SENP7: variants seen among roughly 807,000 people sequenced by gnomAD.
SENP7 encodes SUMO specific peptidase 7.
SENP7 carries 64 observed loss-of-function variants against 141.2 expected under a neutral mutation model. The observed-to-expected ratio is 0.45, with a 90% confidence interval of 0.37 to 0.56. SENP7 has a LOEUF of 0.56. SENP7 is among the 20% of genes least tolerant of loss of function. SENP7 has a pLI of 0.00. For synonymous variants in SENP7, 382 were observed against 426.4 expected, an observed-to-expected ratio of 0.90 and a Z score of 1.28; for missense variants, 1,025 against 1,212.2, an observed-to-expected ratio of 0.85 and a Z score of 2.29.
rs544165974 is a variant in SENP7 at position 101,359,562 on chromosome 3, T to C, written c.1623+2153A>G. 3.3e-5 allele frequency among the ~76,000 whole-genome samples: 5 copies of C among 151,968 alleles called. No homozygotes were observed. In the South Asian group the frequency reaches 1.0e-3, roughly 32 times the overall value. ...CCACTTTACAATGCTTACTGAATAT[T>C]TGCAGTTCCCTACTGTTTGTAATAG... On this transcript the variant is annotated intron_variant, in intron 11 of 23. Transcript: ENST00000394095.
intron 4 of SENP7, among the ~76,000 whole-genome samples, chr3:101,424,985 C>T (rs556847912): frequency 1.3e-5 from 2 of 152,170 alleles, no homozygotes; most frequent in African/African-American, 4.8e-5. Context: ...AAGGGAAACC[C>T]CTTTCACTTG....
chr3:101,511,395 T>G (rs561416354), intron 1 of SENP7, among the ~76,000 whole-genome samples: 2 of 152,272 alleles, frequency 1.3e-5, no homozygotes, highest in Admixed American at 6.5e-5. Context: ...TAAAAAAGGT[T>G]GTGCATCTCA....
At position 101,343,921 on chromosome 3, in the gene SENP7, T is replaced by C; in HGVS notation, c.1871A>G (p.His624Arg). The C allele has an allele frequency of 6.2e-7, 1 of 1,603,992 alleles. No homozygotes were observed. Among genetic ancestry groups the C allele is most frequent in the Non-Finnish European group, 8.5e-7 (1 of 1,174,824 alleles). Residue 624 changes from histidine (H) to arginine (R), a missense_variant, in exon 14 of 24, where the codon CAC (histidine) becomes CGC (arginine). Physicochemically the swap from His to Arg is conservative, Grantham distance 29. Transcript: ENST00000394095. The stretch of plus-strand genomic sequence containing the variant: ...TTCTTCTCTTTGTGAAACAGGATTG[T>C]GTAGTTCAAGGAAAATGAATTCACT... ...KSSEFIFLEL[H>R]NPVSQREELK...
intron 3 of SENP7, among the ~76,000 whole-genome samples, chr3:101,467,358 G>T (rs2063797383): frequency 6.6e-6 from 1 of 152,252 alleles, no homozygotes; most frequent in South Asian, 2.1e-4. Context: ...TTTGAGCTTT[G>T]AGAACAGACA....
At chr3:101,445,299 T>C (rs1404587740) in intron 4 of SENP7, among the ~76,000 whole-genome samples, 4 of 152,166 alleles carry the variant, frequency 2.6e-5, no homozygotes, top group South Asian at 2.1e-4. Flanking sequence ...AGGCAATTTA[T>C]AACTGCTTGA....
intron 19 of SENP7, among the ~76,000 whole-genome samples, chr3:101,331,220 C>T (rs1430925522): frequency 3.3e-5 from 5 of 151,916 alleles, no homozygotes; most frequent in Admixed American, 6.6e-5. Flanking sequence ...TGGCTCATGC[C>T]TATAATCCCA....
At chr3:101,460,778 T>C (rs914482466) in intron 3 of SENP7, among the ~76,000 whole-genome samples, 5 of 152,030 alleles carry the variant, frequency 3.3e-5, no homozygotes, top group African/African-American at 2.4e-5. Flanking sequence ...GGAGGAAATA[T>C]TTGCAAATAA....
Position 101,368,336 on chromosome 3 carries a change from C to CA in SENP7, c.797-326dup, listed in dbSNP as rs879870967. Among the ~76,000 whole-genome samples the CA allele has an allele frequency of 1.4e-3, 201 of 140,678 alleles. 1 individual carries two copies. The East Asian group carries it at 0.016, about 11-fold the overall frequency. The allele number at this position is 140,678 out of a possible 152,430, so 92.3% of individuals were successfully genotyped here. On this transcript the variant is annotated intron_variant, in intron 7 of 23. Transcript: ENST00000394095. ...CTATAAATGCATTTGGCTGTACTAT[C>CA]AAAAAAAAAAGGGGATTAAGAAAAT...
At chr3:101,382,736 T>G (rs1263661667) in intron 6 of SENP7, among the ~76,000 whole-genome samples, 2 of 152,196 alleles carry the variant, frequency 1.3e-5, no homozygotes, top group Non-Finnish European at 2.9e-5. Flanking sequence ...TCTAAAGCAG[T>G]ACAAATGAGA....
chr3:101,487,465 T>G (rs567958497), intron 3 of SENP7, among the ~76,000 whole-genome samples: 2 of 152,256 alleles, frequency 1.3e-5, no homozygotes, highest in South Asian at 2.1e-4. Flanking sequence ...TTTAATTAAA[T>G]TAAGTTTCAT....
At chr3:101,376,711 C>A (rs1005629345) in intron 6 of SENP7, among the ~76,000 whole-genome samples, 12 of 151,928 alleles carry the variant, frequency 7.9e-5, no homozygotes, top group African/African-American at 1.5e-4. Flanking sequence ...GTGCAGCACA[C>A]CAACATGGCA....
At chr3:101,439,806 CGTCTGGG>C (rs2062577164) in intron 4 of SENP7, among the ~76,000 whole-genome samples, 1 of 15,766 alleles carries the variant, frequency 6.3e-5, no homozygotes, top group African/African-American at 2.0e-4. Flanking sequence ...CCAGCCGCCC[CGTCTGGG>C]AGGTGAGGGG....
At chr3:101,508,930 T>C (rs1303829970) in intron 1 of SENP7, among the ~76,000 whole-genome samples, 1 of 152,160 alleles carries the variant, frequency 6.6e-6, no homozygotes, top group Non-Finnish European at 1.5e-5. Context: ...CCAGTACCAT[T>C]TAAAAGCCCC....
At chr3:101,424,608 G>T (rs573383154) in intron 4 of SENP7, among the ~76,000 whole-genome samples, 1 of 151,784 alleles carries the variant, frequency 6.6e-6, no homozygotes, top group Admixed American at 6.6e-5. Context: ...TGCCTACAGC[G>T]CACAGAGAAA....
At chr3:101,486,741 G>C (rs546546619) in intron 3 of SENP7, among the ~76,000 whole-genome samples, 2 of 152,236 alleles carry the variant, frequency 1.3e-5, no homozygotes, top group East Asian at 3.9e-4. Flanking sequence ...AGCAACAAAA[G>C]TATGATGAAT....
intron 12 of SENP7, 41 bp downstream of exon 12, chr3:101,351,577 C>A: frequency 7.7e-7 from 1 of 1,294,068 alleles, no homozygotes; most frequent in Non-Finnish European, 1.0e-6. Flanking sequence ...ATACTAAAAA[C>A]TATAGTAAAA....
chr3:101,393,575 T>C (rs1309053483), intron 6 of SENP7, among the ~76,000 whole-genome samples: 2 of 152,154 alleles, frequency 1.3e-5, no homozygotes, highest in African/African-American at 4.8e-5. Context: ...AAATGTCCAA[T>C]AGACATATGA....
intron 6 of SENP7, among the ~76,000 whole-genome samples, chr3:101,377,391 C>T (rs1302725035): frequency 1.3e-5 from 2 of 152,044 alleles, no homozygotes; most frequent in Non-Finnish European, 2.9e-5. Context: ...CCAGTAACTA[C>T]TATTGGAGTA....
At chr3:101,347,581 GCA>G (rs2059497059) in intron 13 of SENP7, 1 of 166,010 alleles carries the variant, frequency 6.0e-6, no homozygotes, top group Non-Finnish European at 1.3e-5. Context: ...AATTAGCCGG[GCA>G]CGGTGGCGGG....
Sources: gnomAD v4.1 joint callset for allele counts (sites outside exome capture counted in the v4.1 genomes callset) on GRCh38, gnomAD v4.1.1 for gene constraint, MANE v1.5 for transcripts, NCBI Gene and HGNC (gene_info 2026-07-23, HGNC 2026-07-21) for gene names.